The following LDB2 variants were observed in gnomAD, a reference collection of about 807,000 sequenced individuals.
The protein encoded by LDB2 is LIM domain-binding protein 2.
In LDB2, 12 loss-of-function variants were observed where a neutral mutation model predicts 44.3. The observed-to-expected ratio is 0.27, with a 90% CI of 0.17 to 0.44. LDB2 has a LOEUF of 0.44. Among genes scored for constraint, LDB2 ranks in the 20% least tolerant of loss-of-function variants. The pLI is 1.00. For missense variants in LDB2, 344 were observed against 473.5 expected (o/e 0.73, Z 2.54); for synonymous variants, 164 against 174.8 (o/e 0.94, Z 0.49).
chr4:16,653,527 T>G, intron 2 of LDB2, among the ~76,000 whole-genome samples: 1 of 152,242 alleles, frequency 6.6e-6, no homozygotes, highest in East Asian at 1.9e-4. Context: ...AGGCCTCCTC[T>G]GTCTTGAAAA....
intron 1 of LDB2, among the ~76,000 whole-genome samples, chr4:16,864,132 G>A (rs189918468): frequency 2.6e-5 from 4 of 152,034 alleles, no homozygotes; most frequent in African/African-American, 7.2e-5. Context: ...AACCACCACC[G>A]CCACACCTGC....
At chr4:16,713,807 C>T (rs1266155830) in intron 2 of LDB2, among the ~76,000 whole-genome samples, 1 of 152,130 alleles carries the variant, frequency 6.6e-6, no homozygotes. Flanking sequence ...ATTCTCATAG[C>T]CCATCTTGAT....
intron 2 of LDB2, among the ~76,000 whole-genome samples, chr4:16,609,916 C>T (rs1017562724): frequency 6.6e-6 from 1 of 152,124 alleles, no homozygotes; most frequent in Admixed American, 6.5e-5. Flanking sequence ...GATCCTCCAA[C>T]AGGGGTTGTC....
intron 2 of LDB2, among the ~76,000 whole-genome samples, chr4:16,650,708 G>A (rs13117535): frequency 4.6e-5 from 7 of 152,156 alleles, no homozygotes; most frequent in African/African-American, 1.4e-4. Flanking sequence ...AACACATTGA[G>A]AGACACCCCC....
At chr4:16,814,434 T>C (rs947066295) in intron 1 of LDB2, among the ~76,000 whole-genome samples, 3 of 152,184 alleles carry the variant, frequency 2.0e-5, no homozygotes, top group African/African-American at 2.4e-5. Flanking sequence ...GAGACTGCAA[T>C]TGAATAAAAC....
chr4:16,835,173 A>C (rs1240350209), intron 1 of LDB2, among the ~76,000 whole-genome samples: 1 of 152,200 alleles, frequency 6.6e-6, no homozygotes, highest in East Asian at 1.9e-4. Flanking sequence ...AAAATGCATA[A>C]ATCTCAAGTT....
At position 16,662,129 on chromosome 4, in the gene LDB2, G is replaced by A. The variant is rs147721825; in HGVS notation, c.236-66254C>T. ...AAATTCTCTTTGTAAATACCTTTCT[G>A]TTTAAATTTTGCCTTTGAATAGCTT... On this transcript the variant is annotated intron_variant, in intron 2 of 7. Transcript: ENST00000304523. Among the ~76,000 whole-genome samples, 18 of 152,230 alleles carry A rather than the reference G, an allele frequency of 1.2e-4. No individual in the cohort carries two copies. In the East Asian group the frequency reaches 3.3e-3, roughly 28 times the overall value.
In LDB2 at chr4:16,672,832, T is replaced by TTTCCTTCCTTCCTTCC. The variant is rs61126154; in HGVS notation, c.236-76973_236-76958dup. On this transcript the variant is annotated intron_variant, in intron 2 of 7. Transcript: ENST00000304523. ...CTTGCGTGCCTGCCTGCCTGCCTTCTTTCCTTCCTTCCTTCCTTCCTTTCC... is the reference window on the plus strand; with the variant it reads ...CTTGCGTGCCTGCCTGCCTGCCTTCTTTCCTTCCTTCCTTCCTTCCTTCCTTCCTTCCTTCCTTTCC... Among the ~76,000 whole-genome samples the TTTCCTTCCTTCCTTCC allele has an allele frequency of 5.3e-4, 79 of 147,718 alleles. 2 individuals carry two copies. The highest frequency in any genetic ancestry group is 1.5e-4 in the Non-Finnish European group (10 of 67,230).
intron 1 of LDB2, among the ~76,000 whole-genome samples, chr4:16,848,705 A>C (rs1333080412): frequency 6.6e-6 from 1 of 152,174 alleles, no homozygotes; most frequent in South Asian, 2.1e-4. Context: ...AAATAATAGC[A>C]ATATCCACAT....
chr4:16,614,806 C>T (rs962114646), intron 2 of LDB2, among the ~76,000 whole-genome samples: 61 of 151,782 alleles, frequency 4.0e-4, no homozygotes, highest in African/African-American at 1.3e-3. Context: ...CGCGGTGGCT[C>T]ACGCCTGTAA....
intron 2 of LDB2, among the ~76,000 whole-genome samples, chr4:16,714,722 G>T (rs1171737326): frequency 6.6e-6 from 1 of 152,158 alleles, no homozygotes; most frequent in Admixed American, 6.5e-5. Context: ...TTCTGAGAGA[G>T]CATCTGTTCC....
At chr4:16,833,090 TTTATC>T (rs1784317759) in intron 1 of LDB2, among the ~76,000 whole-genome samples, 2 of 152,168 alleles carry the variant, frequency 1.3e-5, no homozygotes, top group Non-Finnish European at 2.9e-5. Flanking sequence ...AAAACACACT[TTTATC>T]TTAATCTTGG....
chr4:16,569,499 G>C (rs1318001350), intron 5 of LDB2, among the ~76,000 whole-genome samples: 1 of 152,192 alleles, frequency 6.6e-6, no homozygotes, highest in East Asian at 1.9e-4. Context: ...GACATAAGTA[G>C]TATCAAATAG....
At chr4:16,813,469 A>G (rs1780297905) in intron 1 of LDB2, among the ~76,000 whole-genome samples, 2 of 152,224 alleles carry the variant, frequency 1.3e-5, no homozygotes, top group South Asian at 4.1e-4. Context: ...AATGAGAGAA[A>G]GTCACCTTTA....
intron 6 of LDB2, among the ~76,000 whole-genome samples, chr4:16,510,701 T>G (rs1010975399): frequency 7.2e-5 from 11 of 152,210 alleles, no homozygotes; most frequent in African/African-American, 2.4e-4. Context: ...ATTACTACCC[T>G]AAGTCTCAGA....
chr4:16,689,066 A>G (rs1207063091), intron 2 of LDB2, among the ~76,000 whole-genome samples: 3 of 152,224 alleles, frequency 2.0e-5, no homozygotes, highest in Admixed American at 6.5e-5. Context: ...TAACAGCAGG[A>G]TGCTGCTACA....
intron 1 of LDB2, among the ~76,000 whole-genome samples, chr4:16,835,589 A>T (rs563904650): frequency 6.6e-6 from 1 of 152,244 alleles, no homozygotes. Flanking sequence ...CCCTGTAGAT[A>T]TAAGTTTTAA....
At chr4:16,528,714 A>G (rs1729096661) in intron 5 of LDB2, among the ~76,000 whole-genome samples, 1 of 152,208 alleles carries the variant, frequency 6.6e-6, no homozygotes, top group Non-Finnish European at 1.5e-5. Flanking sequence ...CTGGTGGGAG[A>G]GCAGAAGATG....
At chr4:16,816,775 CAAG>C (rs1781019144) in intron 1 of LDB2, among the ~76,000 whole-genome samples, 1 of 152,148 alleles carries the variant, frequency 6.6e-6, no homozygotes, top group African/African-American at 2.4e-5. Flanking sequence ...TCCTTCACAA[CAAG>C]AAGGGCACAG....
Sources: allele counts gnomAD v4.1 joint callset (sites outside exome capture counted in the v4.1 genomes callset), GRCh38; gene constraint gnomAD v4.1.1; transcripts MANE v1.5; gene names NCBI Gene and HGNC (gene_info 2026-07-23, HGNC 2026-07-21).